GPC6: variants seen among roughly 807,000 people sequenced by gnomAD.
GPC6 encodes the protein glypican-6.
Under a neutral mutation model 55.2 loss-of-function variants are expected in GPC6, and 14 were observed. That is an observed-to-expected ratio of 0.25 (90% CI 0.17 to 0.40). The LOEUF (loss-of-function observed/expected upper bound fraction) is 0.40. Among genes scored for constraint, GPC6 ranks in the 10% least tolerant of loss-of-function variants. The pLI is 1.00. For missense variants in GPC6, 641 were observed against 708.5 expected (o/e 0.90, Z 1.08); for synonymous variants, 278 against 259.6 (o/e 1.07, Z -0.68).
intron 6 of GPC6, among the ~76,000 whole-genome samples, chr13:94,324,389 T>C (rs921547424): frequency 6.6e-6 from 1 of 150,466 alleles, no homozygotes; most frequent in African/African-American, 2.4e-5. Context: ...AAATAGGTGA[T>C]TGAATTGAAT....
rs117620362 is a variant in GPC6 at position 93,571,335 on chromosome 13, T to C, written c.319+25914T>C. Among the ~76,000 whole-genome samples, 714 of 152,268 alleles carry C rather than the reference T, an allele frequency of 4.7e-3. 3 individuals are homozygous for C. Among genetic ancestry groups the C allele is most frequent in the Middle Eastern group, 0.01 (3 of 294 alleles). On this transcript the variant is annotated intron_variant, in intron 2 of 8. Transcript: ENST00000377047. ...ATTCTGCTGATTAACTATTCATACA[T>C]GAGAATTAAATTTAGAATGTTTTCA...
At chr13:93,952,896 T>C (rs1344940655) in intron 3 of GPC6, among the ~76,000 whole-genome samples, 1 of 147,106 alleles carries the variant, frequency 6.8e-6, no homozygotes, top group Non-Finnish European at 1.5e-5. Context: ...GTGTGATATA[T>C]ACGTGTATAT....
intron 3 of GPC6, among the ~76,000 whole-genome samples, chr13:93,961,667 T>A (rs1256588921): frequency 6.6e-6 from 1 of 152,228 alleles, no homozygotes; most frequent in Non-Finnish European, 1.5e-5. Flanking sequence ...TTGTTTGTCA[T>A]TAGCTTAGTA....
intron 2 of GPC6, among the ~76,000 whole-genome samples, chr13:93,646,527 A>T (rs1880179943): frequency 6.6e-6 from 1 of 152,090 alleles, no homozygotes; most frequent in Non-Finnish European, 1.5e-5. Context: ...AATGTAGACG[A>T]GAAAGTAATC....
At chr13:94,272,463 C>CTT (rs555664508) in intron 4 of GPC6, among the ~76,000 whole-genome samples, 1,150 of 85,668 alleles carry the variant, frequency 0.013, 27 homozygotes, top group African/African-American at 0.04. Flanking sequence ...CTTTTCTTTT[C>CTT]TTTTTTTTTT....
chr13:93,220,303 A>G, the GPC6 span, among the ~76,000 whole-genome samples: 5 of 152,228 alleles, frequency 3.3e-5, no homozygotes, highest in Non-Finnish European at 7.4e-5. Flanking sequence ...TCCAAAAACT[A>G]TGCAAAGCTT....
At chr13:94,245,771 T>C (rs1891178572) in intron 4 of GPC6, among the ~76,000 whole-genome samples, 1 of 152,006 alleles carries the variant, frequency 6.6e-6, no homozygotes, top group Admixed American at 6.6e-5. Context: ...TATCCATTCA[T>C]CCACTGATGG....
At chr13:93,712,685 T>C (rs1051156750) in intron 2 of GPC6, among the ~76,000 whole-genome samples, 6 of 151,714 alleles carry the variant, frequency 4.0e-5, no homozygotes, top group Non-Finnish European at 7.4e-5. Context: ...TTGTCCTGTT[T>C]TTTTTCTCTT....
chr13:93,302,710 T>G (rs1160465556), intron 1 of GPC6, among the ~76,000 whole-genome samples: 1 of 152,118 alleles, frequency 6.6e-6, no homozygotes, highest in Admixed American at 6.5e-5. Context: ...AGCAGAAGTT[T>G]AAAAAAGAAA....
intron 4 of GPC6, among the ~76,000 whole-genome samples, chr13:94,205,186 T>G (rs1444848561): frequency 2.0e-5 from 3 of 152,176 alleles, no homozygotes; most frequent in African/African-American, 7.2e-5. Context: ...TCTATTTGGT[T>G]CTCTAATTTT....
chr13:93,360,242 A>T (rs1880997359), intron 1 of GPC6, among the ~76,000 whole-genome samples: 1 of 152,190 alleles, frequency 6.6e-6, no homozygotes, highest in Admixed American at 6.5e-5. Context: ...ATCGTCAAGT[A>T]TAAGGTTGTG....
intron 1 of GPC6, among the ~76,000 whole-genome samples, chr13:93,232,268 GTTTAGTTAGCTGAT>G (rs1171515050): frequency 2.0e-5 from 3 of 152,054 alleles, no homozygotes; most frequent in Non-Finnish European, 4.4e-5. Context: ...TTTGCCCCCT[GTTTAGTTAGCTGAT>G]TTCTTTAAAA....
chr13:93,513,475 C>T (rs997308427), intron 1 of GPC6, among the ~76,000 whole-genome samples: 2 of 152,140 alleles, frequency 1.3e-5, no homozygotes, highest in Non-Finnish European at 2.9e-5. Context: ...TATTGTTTGA[C>T]TATGATTCTA....
chr13:93,402,693 C>A (rs1416962556), intron 1 of GPC6, among the ~76,000 whole-genome samples: 1 of 152,150 alleles, frequency 6.6e-6, no homozygotes, highest in Non-Finnish European at 1.5e-5. Flanking sequence ...CAACTAACAG[C>A]CTTAAAATAT....
chr13:93,437,064 G>A (rs1363349322), intron 1 of GPC6, among the ~76,000 whole-genome samples: 1 of 151,938 alleles, frequency 6.6e-6, no homozygotes, highest in Non-Finnish European at 1.5e-5. Flanking sequence ...TCTTTGATCA[G>A]TGATCTTTGA....
intron 1 of GPC6, among the ~76,000 whole-genome samples, chr13:93,530,382 A>T (rs1386242903): frequency 2.0e-5 from 3 of 152,182 alleles, no homozygotes; most frequent in African/African-American, 7.2e-5. Context: ...CAGGTAATTC[A>T]TTACTGTACT....
intron 3 of GPC6, among the ~76,000 whole-genome samples, chr13:93,907,281 T>C (rs970222159): frequency 6.6e-6 from 1 of 152,168 alleles, no homozygotes; most frequent in African/African-American, 2.4e-5. Flanking sequence ...ATTATTCTAA[T>C]AATCCACTGA....
chr13:93,275,929 C>T (rs976892195), intron 1 of GPC6, among the ~76,000 whole-genome samples: 1 of 152,072 alleles, frequency 6.6e-6, no homozygotes, highest in African/African-American at 2.4e-5. Flanking sequence ...GGCTGGAGTG[C>T]GGCGGCGCGA....
chr13:93,671,632 G>A (rs532010748), intron 2 of GPC6, among the ~76,000 whole-genome samples: 1 of 151,784 alleles, frequency 6.6e-6, no homozygotes, highest in African/African-American at 2.4e-5. Flanking sequence ...GGGTTCTCTG[G>A]TTTTTTTAGG....
Sources: allele counts gnomAD v4.1 joint callset (sites outside exome capture counted in the v4.1 genomes callset), GRCh38; gene constraint gnomAD v4.1.1; transcripts MANE v1.5; gene names NCBI Gene and HGNC (gene_info 2026-07-23, HGNC 2026-07-21).